Variants in WWOX observed in about 807,000 individuals in gnomAD.
The protein encoded by WWOX is WW domain containing oxidoreductase.
WWOX carries 69 observed loss-of-function variants against 46.2 expected under a neutral mutation model. The ratio of observed to expected loss-of-function variants is 1.49; its 90% CI spans 1.23 to 1.82. WWOX has a LOEUF of 1.82. WWOX is among the 40% of genes most tolerant of loss of function. WWOX has a pLI of 0.00. For missense variants in WWOX, 919 were observed against 542.6 expected, an observed-to-expected ratio of 1.69 and a Z score of -6.89; for synonymous variants, 359 against 202.6, an observed-to-expected ratio of 1.77 and a Z score of -6.56.
intron 8 of WWOX, among the ~76,000 whole-genome samples, chr16:79,034,622 A>G (rs2047830251): frequency 2.0e-5 from 3 of 151,880 alleles, no homozygotes; most frequent in Admixed American, 1.3e-4. Flanking sequence ...ATTGTCTCAA[A>G]GGCATTAATC....
chr16:78,575,052 T>TTTCTCTCTGTC (rs2044835384), intron 8 of WWOX, among the ~76,000 whole-genome samples: 1 of 13,352 alleles, frequency 7.5e-5, no homozygotes, highest in African/African-American at 2.2e-4. Context: ...TATATATATA[T>TTTCTCTCTGTC]ATATATATAT....
At chr16:79,117,817 C>T (rs965827920) in intron 8 of WWOX, among the ~76,000 whole-genome samples, 2 of 152,204 alleles carry the variant, frequency 1.3e-5, no homozygotes, top group Non-Finnish European at 2.9e-5. Context: ...TTTTCTTCTG[C>T]AGCTTCCTCA....
chr16:79,086,954 G>A (rs1416337993), intron 8 of WWOX, among the ~76,000 whole-genome samples: 5 of 152,204 alleles, frequency 3.3e-5, no homozygotes, highest in African/African-American at 4.8e-5. Context: ...AGACTCTGCA[G>A]AGCACTAGGA....
At chr16:78,880,861 C>G (rs1009295702) in intron 8 of WWOX, among the ~76,000 whole-genome samples, 1 of 152,068 alleles carries the variant, frequency 6.6e-6, no homozygotes, top group African/African-American at 2.4e-5. Flanking sequence ...GAGAAATGCT[C>G]TGCCTTCTTG....
At position 78,111,370 on chromosome 16, in the gene WWOX, CTT is replaced by C. The variant is rs531446489; in HGVS notation, c.230+1537_230+1538del. 2.6e-5 allele frequency among the ~76,000 whole-genome samples: 4 copies of C among 152,264 alleles called. No individual in the cohort carries two copies. In the South Asian group the frequency reaches 6.2e-4, roughly 24 times the overall value. ...TTAATCATTAGCTTTTAATATTACT[CTT>C]TGTGGCATTACTAACATAACCTAGG... On this transcript the variant is annotated intron_variant, in intron 3 of 8. Transcript: ENST00000566780.
Position 78,156,531 on chromosome 16 carries a change from C to T in WWOX, c.410-7652C>T, listed in dbSNP as rs547353074. Reference sequence around the variant, plus strand: ...AGCAGTCTGCAAGAACCATTTGTTTCTTCAGCAGATATTTATTGAATCCTA... The same window carrying T: ...AGCAGTCTGCAAGAACCATTTGTTTTTTCAGCAGATATTTATTGAATCCTA... On this transcript the variant is annotated intron_variant, in intron 4 of 8. Coordinates refer to ENST00000566780, the MANE Select transcript of WWOX (RefSeq NM_016373.4). Among the ~76,000 whole-genome samples the T allele has an allele frequency of 1.9e-3, 296 of 152,322 alleles. 1 individual carries two copies. Among genetic ancestry groups the T allele is most frequent in the African/African-American group, 6.6e-3 (276 of 41,584 alleles).
chr16:78,506,118 G>A (rs191095823), intron 8 of WWOX, among the ~76,000 whole-genome samples: 1 of 151,726 alleles, frequency 6.6e-6, no homozygotes, highest in Non-Finnish European at 1.5e-5. Flanking sequence ...GAGAAGGGGA[G>A]GACAGGCTTC....
chr16:78,406,626 A>ATTT (rs545938474), intron 6 of WWOX, among the ~76,000 whole-genome samples: 22 of 129,404 alleles, frequency 1.7e-4, no homozygotes, highest in South Asian at 5.1e-4. Context: ...TGGGATATAC[A>ATTT]TTTTTTTTTT....
At chr16:78,578,850 A>G (rs770243253) in intron 8 of WWOX, among the ~76,000 whole-genome samples, 2 of 152,166 alleles carry the variant, frequency 1.3e-5, no homozygotes, top group African/African-American at 4.8e-5. Flanking sequence ...GCTACAGAAC[A>G]TCTGTCTGTG....
In WWOX at chr16:78,350,231, A is replaced by T. The variant is rs1342755524; in HGVS notation, c.517-36629A>T. Among the ~76,000 whole-genome samples the T allele has an allele frequency of 1.6e-5, 2 of 121,252 alleles. 1 individual carries two copies. Among genetic ancestry groups the T allele is most frequent in the Non-Finnish European group, 3.9e-5 (2 of 50,724 alleles). 79.5% of individuals were successfully genotyped at this position (121,252 alleles called of 152,430 possible). A position where few individuals can be genotyped will look rare whatever the true frequency, so the allele number is the denominator to read the frequency against. ...TTGTGAGGTATGTTTCAAGTGATTT[A>T]TTACTAGAAATTCTTAGCGAGCTGA... On this transcript the variant is annotated intron_variant, in intron 5 of 8. Coordinates refer to ENST00000566780, the MANE Select transcript of WWOX (RefSeq NM_016373.4).
rs1597669544 is a variant in WWOX at position 78,821,666 on chromosome 16, T to G, written c.1056+388914T>G. ...AGGAAGCACTGAGGCATGTGGTCGT[T>G]CACAGGTGACAAAGACAGAGGCTCA... On this transcript the variant is annotated intron_variant, in intron 8 of 8. Transcript: ENST00000566780. Among the ~76,000 whole-genome samples the G allele has an allele frequency of 2.0e-5, 3 of 152,294 alleles. 1 individual carries two copies. The East Asian group carries it at 5.8e-4, about 29-fold the overall frequency.
At chr16:78,165,012 A>G (rs2034925744) in intron 5 of WWOX, among the ~76,000 whole-genome samples, 1 of 152,216 alleles carries the variant, frequency 6.6e-6, no homozygotes, top group Non-Finnish European at 1.5e-5. Context: ...AGCAGTGAGA[A>G]GAGCATATGC....
At chr16:78,300,415 T>C (rs2080018664) in intron 5 of WWOX, among the ~76,000 whole-genome samples, 1 of 152,070 alleles carries the variant, frequency 6.6e-6, no homozygotes, top group Non-Finnish European at 1.5e-5. Context: ...TGCCATAACA[T>C]GTCTGTGTCA....
intron 8 of WWOX, among the ~76,000 whole-genome samples, chr16:78,534,752 C>T (rs1200763870): frequency 2.0e-5 from 3 of 151,782 alleles, no homozygotes; most frequent in African/African-American, 7.3e-5. Flanking sequence ...TCTCTGTCTC[C>T]AGGCTGGAGT....
At chr16:78,904,994 A>G (rs1227603302) in intron 8 of WWOX, among the ~76,000 whole-genome samples, 1 of 152,136 alleles carries the variant, frequency 6.6e-6, no homozygotes, top group African/African-American at 2.4e-5. Context: ...ACCTCATCCT[A>G]TAGTGTTATT....
intron 8 of WWOX, among the ~76,000 whole-genome samples, chr16:78,653,309 T>A (rs1036983778): frequency 7.2e-5 from 11 of 152,236 alleles, no homozygotes; most frequent in African/African-American, 2.4e-4. Flanking sequence ...GACACTATTT[T>A]AAAAAATAAC....
At chr16:78,977,935 C>G (rs1451968226) in intron 8 of WWOX, among the ~76,000 whole-genome samples, 1 of 152,026 alleles carries the variant, frequency 6.6e-6, no homozygotes, top group Non-Finnish European at 1.5e-5. Context: ...TCAAAGTAGA[C>G]AGTTCAATAG....
chr16:79,086,680 A>G (rs939809865), intron 8 of WWOX, among the ~76,000 whole-genome samples: 2 of 152,156 alleles, frequency 1.3e-5, no homozygotes, highest in African/African-American at 2.4e-5. Flanking sequence ...CAGGAGTTTG[A>G]GACCTGCTTG....
chr16:79,063,934 A>C (rs772175991), intron 8 of WWOX, among the ~76,000 whole-genome samples: 1 of 152,204 alleles, frequency 6.6e-6, no homozygotes, highest in Non-Finnish European at 1.5e-5. Context: ...GGCAATTTTC[A>C]GTTAACCAGA....
Sources: allele counts gnomAD v4.1 joint callset (sites outside exome capture counted in the v4.1 genomes callset), GRCh38; gene constraint gnomAD v4.1.1; transcripts MANE v1.5; gene names NCBI Gene and HGNC (gene_info 2026-07-23, HGNC 2026-07-21).